KLHL17: variants seen among roughly 807,000 people sequenced by gnomAD.
The protein encoded by KLHL17 is kelch like family member 17, also known as kelch-like protein 17.
Under a neutral mutation model 64.6 loss-of-function variants are expected in KLHL17, and 71 were observed. The observed-to-expected ratio is 1.10, with a 90% CI of 0.91 to 1.34. The LOEUF is 1.34. Among genes scored for constraint, KLHL17 ranks in the 40% most tolerant of loss-of-function variants. The pLI, the probability that KLHL17 is intolerant of heterozygous loss-of-function variation, is 0.00. For missense variants in KLHL17, 1,140 were observed against 935.0 expected, an observed-to-expected ratio of 1.22 and a Z score of -2.86; for synonymous variants, 612 against 405.4, an observed-to-expected ratio of 1.51 and a Z score of -6.12.
chr1:964,622 A>ACG (rs1553163625), intron 11 of KLHL17, 92 bp downstream of exon 11: 1 of 597,436 alleles, frequency 1.7e-6, no homozygotes, highest in Non-Finnish European at 2.3e-6. Flanking sequence ...TGCTGCGGGG[A>ACG]GGGGGGCGCG....
chr1:962,148 C>G, intron 4 of KLHL17, 101 bp downstream of exon 4: 2 of 1,312,756 alleles, frequency 1.5e-6, no homozygotes, highest in South Asian at 2.5e-5. Flanking sequence ...GCCCTGCCCA[C>G]AATCCTTAGT....
At chr1:962,068 C>T (rs780866212) in intron 4 of KLHL17, 21 bp downstream of exon 4, 4 of 1,593,264 alleles carry the variant, frequency 2.5e-6, no homozygotes, top group Middle Eastern at 1.7e-4. Context: ...GCGGGCCCAG[C>T]CCTCGCCCCC....
At chr1:964,252 T>TC (rs1199966178) in intron 10 of KLHL17, 72 bp downstream of exon 10, 8 of 1,594,286 alleles carry the variant, frequency 5.0e-6, no homozygotes, top group Admixed American at 1.7e-5. Context: ...TTTACCCACA[T>TC]CCCCCCCATT....
Position 964,102 on chromosome 1 carries a change from G to A in KLHL17, c.1445-5G>A, listed in dbSNP as rs375987103. 46 of 1,612,572 alleles carry A rather than the reference G, an allele frequency of 2.9e-5. No homozygotes were observed. The highest frequency in any genetic ancestry group is 3.3e-4 in the Middle Eastern group (2 of 6,082). ...GAGTGCCACGGGTGTGTTGACTTCCGGCAGATGGGAACCTGTATGCTGTGG... is the reference window on the plus strand; with the variant it reads ...GAGTGCCACGGGTGTGTTGACTTCCAGCAGATGGGAACCTGTATGCTGTGG... On this transcript the variant is annotated splice_region_variant and splice_polypyrimidine_tract_variant and intron_variant, in intron 9 of 11. Coordinates refer to ENST00000338591, the MANE Select transcript of KLHL17 (RefSeq NM_198317.3).
Position 964,384 on chromosome 1 carries a change from C to T in KLHL17, c.1554C>T (p.Ser518=). Residue 518 remains serine (S), a synonymous_variant, in exon 11 of 12, where the codon AGC becomes AGT. Coordinates refer to ENST00000338591, the MANE Select transcript of KLHL17 (RefSeq NM_198317.3). ...NVWSPVASML[S]RRSSAGVAVL... ...GGTCGCCCGTGGCGTCCATGCTGAG[C>T]CGACGCAGCTCAGCGGGCGTGGCCG... The T allele has an allele frequency of 6.4e-7, 1 of 1,557,822 alleles. No individual in the cohort carries two copies.
At chr1:962,643 C>A in intron 5 of KLHL17, 61 bp from the exon 6 acceptor site, 1 of 1,535,346 alleles carries the variant, frequency 6.5e-7, no homozygotes, top group Admixed American at 1.9e-5. Context: ...GGGGTTGTCT[C>A]AGCCCTGACG....
chr1:962,465 C>T lies in KLHL17; in HGVS notation c.822C>T (p.Val274=), dbSNP rs1361729031. The change falls in exon 5 of 12, where the codon GTC becomes GTT. Residue 274 remains valine (V), a synonymous_variant. Transcript: ENST00000338591. ...ACGTGGACGCCCGCAGGCAGCATGTCCCACGGGTGAGGCGCGGCCGCGGGG... is the reference window on the plus strand; with the variant it reads ...ACGTGGACGCCCGCAGGCAGCATGTTCCACGGGTGAGGCGCGGCCGCGGGG... ...KHDVDARRQH[V]PRLMKCVRLP... is the part of the protein sequence containing the mutation. 1 of 1,612,414 alleles carries T rather than the reference C, an allele frequency of 6.2e-7. No individual in the cohort carries two copies. The highest frequency in any genetic ancestry group is 8.5e-7 in the Non-Finnish European group (1 of 1,179,858).
Position 963,202 on chromosome 1 carries a change from G to A in KLHL17, c.1136G>A (p.Arg379Gln), listed in dbSNP as rs995348870. Residue 379 changes from arginine to glutamine, a missense_variant, in exon 7 of 12, where the codon CGG becomes CAG. Arg to Gln is a conservative substitution (Grantham distance 43). Transcript: ENST00000338591. The stretch of plus-strand genomic sequence containing the variant: ...GTGGTGGCCTCCATGTCCACGCGCC[G>A]GGCCCGGGTGGGAGTGGCTGCGGTG... ...WHVVASMSTR[R>Q]ARVGVAAVGN... is the part of the protein sequence containing the mutation. 1.1e-5 allele frequency: 17 copies of A among 1,607,760 alleles called. No homozygotes were observed. The highest frequency in any genetic ancestry group is 2.2e-5 in the East Asian group (1 of 44,734).
In KLHL17 at chr1:960,598, C is replaced by G; in HGVS notation, c.-96C>G. 1 of 1,106,060 alleles carries G rather than the reference C, an allele frequency of 9.0e-7. No individual in the cohort carries two copies. The highest frequency in any genetic ancestry group is 1.1e-6 in the Non-Finnish European group (1 of 885,050). The allele number at this position is 1,106,060 out of a possible 1,614,324, so 68.5% of individuals were successfully genotyped here. ...GCGGGAGCGGCGGGAGTGAGCGACA[C>G]AGAGCGGGCCGCCACCGCCGAGCAG... On this transcript the variant is annotated 5_prime_UTR_variant, in exon 1 of 12. Coordinates refer to ENST00000338591, the MANE Select transcript of KLHL17 (RefSeq NM_198317.3).
chr1:964,163 G>A lies in KLHL17; in HGVS notation c.1501G>A (p.Glu501Lys). The A allele has an allele frequency of 6.2e-7, 1 of 1,612,712 alleles. No homozygotes were observed. The highest frequency in any genetic ancestry group is 2.2e-5 in the East Asian group (1 of 44,884). ...YDSSSHLATVEKYEPQVNVWS... is the reference protein window; with the variant it reads ...YDSSSHLATVKKYEPQVNVWS... ...CAGCTCCTCACACCTGGCCACTGTG[G>A]AGAAGTATGAGCCCCAGGTGCATAG... The change falls in exon 10 of 12, where the codon GAG (glutamate) becomes AAG (lysine). Residue 501 changes from glutamate to lysine, a missense_variant. Physicochemically the swap from Glu to Lys is moderately conservative, Grantham distance 56. Transcript: ENST00000338591.
chr1:961,517 C>T lies in KLHL17; in HGVS notation c.332C>T (p.Ala111Val), dbSNP rs777857163. Reference protein sequence around the residue: ...KEIRAHKVVLASCSPYFHAMF... With the variant: ...KEIRAHKVVLVSCSPYFHAMF... ...ATCCGTGCGCACAAAGTGGTGCTGG[C>T]CTCCTGCAGCCCCTACTTCCACGCC... is the stretch of plus-strand genomic sequence containing the variant. The change falls in exon 2 of 12, where the codon GCC becomes GTC. Residue 111 changes from alanine to valine, a missense_variant. Ala to Val is a moderately conservative substitution (Grantham distance 64, BLOSUM62 0). Transcript: ENST00000338591. 44 of 1,612,482 alleles carry T rather than the reference C, an allele frequency of 2.7e-5. No individual in the cohort carries two copies. Among genetic ancestry groups the T allele is most frequent in the East Asian group, 6.7e-5 (3 of 44,900 alleles).
rs147826915 is a variant in KLHL17, at chr1:963,131, C to A, written c.1065C>A (p.Ile355=). 1.4e-3 allele frequency: 2,228 copies of A among 1,612,054 alleles called. 3 individuals carry two copies. Among genetic ancestry groups the A allele is most frequent in the Non-Finnish European group, 1.7e-3 (1,996 of 1,179,596 alleles). ...CAGGCGGCGGGAGCCTGTTTGCCAT[C>A]CACGGAGACTGTGAGGCCTACGACA... ...FAVGGGSLFA[I]HGDCEAYDTR... The change falls in exon 7 of 12, where the codon ATC becomes ATA. Residue 355 remains isoleucine (I), a synonymous_variant. Coordinates refer to ENST00000338591, the MANE Select transcript of KLHL17 (RefSeq NM_198317.3).
In KLHL17 at chr1:965,032, C is replaced by T. The variant is rs763911474; in HGVS notation, c.1770C>T (p.Ser590=). 6.8e-6 allele frequency: 11 copies of T among 1,612,668 alleles called. No individual in the cohort carries two copies. In the South Asian group the frequency reaches 9.9e-5, roughly 14 times the overall value. ...YAVGGNDGSS[S]LNSIEKYNPR... ...TGGGGGGTAACGACGGTAGCTCCAGCCTCAACTCCATCGAGAAGTACAACC... is the reference window on the plus strand; with the variant it reads ...TGGGGGGTAACGACGGTAGCTCCAGTCTCAACTCCATCGAGAAGTACAACC... Residue 590 remains serine (S), a synonymous_variant, in exon 12 of 12, where the codon AGC becomes AGT. Transcript: ENST00000338591.
Position 960,653 on chromosome 1 carries a change from C to T in KLHL17, c.-41C>T. Reference sequence around the variant, plus strand: ...CCGGCAGTCTCCGCGTCCGTTAAGCCCGCGGGTCCTCCGCGAATCGGCGGT... The same window carrying T: ...CCGGCAGTCTCCGCGTCCGTTAAGCTCGCGGGTCCTCCGCGAATCGGCGGT... On this transcript the variant is annotated 5_prime_UTR_variant, in exon 1 of 12. Coordinates refer to ENST00000338591, the MANE Select transcript of KLHL17 (RefSeq NM_198317.3). The T allele has an allele frequency of 7.5e-7, 1 of 1,341,358 alleles. No homozygotes were observed. Among genetic ancestry groups the T allele is most frequent in the Middle Eastern group, 2.3e-4 (1 of 4,340 alleles). 83.1% of individuals were successfully genotyped at this position (1,341,358 alleles called of 1,614,324 possible).
Position 965,399 on chromosome 1 carries a change from C to T in KLHL17, c.*208C>T, listed in dbSNP as rs1419921715. 13 of 591,284 alleles carry T rather than the reference C, an allele frequency of 2.2e-5. No homozygotes were observed. Among genetic ancestry groups the T allele is most frequent in the African/African-American group, 3.7e-5 (2 of 53,348 alleles). The allele number at this position is 591,284 out of a possible 1,614,324, so 36.6% of individuals were successfully genotyped here. A position where few individuals can be genotyped will look rare whatever the true frequency, so the allele number is the denominator to read the frequency against. ...GTTTACACCTTTAGCGTCTGGTCCT[C>T]CTGCGTGTCCTCCCCTCCACTGCCT... On this transcript the variant is annotated 3_prime_UTR_variant, in exon 12 of 12. Transcript: ENST00000338591.
Position 965,082 on chromosome 1 carries a change from C to T in KLHL17, c.1820C>T (p.Ala607Val), listed in dbSNP as rs1233603974. 1.2e-6 allele frequency: 2 copies of T among 1,612,538 alleles called. No individual in the cohort carries two copies. Among genetic ancestry groups the T allele is most frequent in the Non-Finnish European group, 1.7e-6 (2 of 1,179,802 alleles). The change falls in exon 12 of 12, where the codon GCA (alanine) becomes GTA (valine). Residue 607 changes from alanine (A) to valine (V), a missense_variant. Coordinates refer to ENST00000338591, the MANE Select transcript of KLHL17 (RefSeq NM_198317.3). ...YNPRTNKWVA[A>V]SCMFTRRSSV... Reference sequence around the variant, plus strand: ...CCGAGGACCAACAAGTGGGTGGCCGCATCCTGCATGTTCACCCGGCGCAGC... The same window carrying T: ...CCGAGGACCAACAAGTGGGTGGCCGTATCCTGCATGTTCACCCGGCGCAGC...
Position 960,716 on chromosome 1 carries a change from C to T in KLHL17, c.23C>T (p.Pro8Leu). 1.5e-6 allele frequency: 2 copies of T among 1,343,770 alleles called. No individual in the cohort carries two copies. Among genetic ancestry groups the T allele is most frequent in the Non-Finnish European group, 1.9e-6 (2 of 1,039,698 alleles). The allele number at this position is 1,343,770 out of a possible 1,614,324, so 83.2% of individuals were successfully genotyped here. A position where few individuals can be genotyped will look rare whatever the true frequency, so the allele number is the denominator to read the frequency against. Reference sequence around the variant, plus strand: ...CGAATGCAGCCCCGCAGCGAGCGCCCGGCCGGCAGGACGCAGAGCCCGGAG... The same window carrying T: ...CGAATGCAGCCCCGCAGCGAGCGCCTGGCCGGCAGGACGCAGAGCCCGGAG... The part of the protein sequence containing the change: MQPRSER[P>L]AGRTQSPEHG... Residue 8 changes from proline to leucine, a missense_variant, in exon 1 of 12, where the codon CCG becomes CTG. By Grantham distance (98) the Pro-to-Leu change is moderately conservative (BLOSUM62 -3). Coordinates refer to ENST00000338591, the MANE Select transcript of KLHL17 (RefSeq NM_198317.3).
chr1:964,848 G>A, intron 11 of KLHL17, 115 bp from the exon 12 acceptor site: 1 of 918,556 alleles, frequency 1.1e-6, no homozygotes. Context: ...TGTGCTGTGA[G>A]AAGGGAGTTC....
At position 965,029 on chromosome 1, in the gene KLHL17, C is replaced by T; in HGVS notation, c.1767C>T (p.Ser589=). 11 of 1,612,618 alleles carry T rather than the reference C, an allele frequency of 6.8e-6. No homozygotes were observed. Among genetic ancestry groups the T allele is most frequent in the Non-Finnish European group, 9.3e-6 (11 of 1,179,822 alleles). ...LYAVGGNDGS[S]SLNSIEKYNP... The stretch of plus-strand genomic sequence containing the variant: ...CCGTGGGGGGTAACGACGGTAGCTC[C>T]AGCCTCAACTCCATCGAGAAGTACA... The change falls in exon 12 of 12, where the codon TCC becomes TCT. Residue 589 remains serine (S), a synonymous_variant. Coordinates refer to ENST00000338591, the MANE Select transcript of KLHL17 (RefSeq NM_198317.3).
Sources: allele counts gnomAD v4.1 joint callset, GRCh38; gene constraint gnomAD v4.1.1; transcripts MANE v1.5; gene names NCBI Gene and HGNC (gene_info 2026-07-23, HGNC 2026-07-21).